DMWD: variants seen among roughly 807,000 people sequenced by gnomAD.
DMWD encodes DM1 locus, WD repeat containing.
Under a neutral mutation model 45.8 loss-of-function variants are expected in DMWD, and 19 were observed. The observed-to-expected ratio is 0.41, with a 90% CI of 0.29 to 0.61. The LOEUF (loss-of-function observed/expected upper bound fraction) is 0.61. DMWD is among the 20% of genes least tolerant of loss of function. DMWD has a pLI of 0.25. For missense variants in DMWD, 802 were observed against 965.2 expected (o/e 0.83, Z 2.24); for synonymous variants, 515 against 440.5 (o/e 1.17, Z -2.12).
Position 45,791,068 on chromosome 19 carries a change from G to C in DMWD, c.461C>G (p.Pro154Arg). 1.2e-6 allele frequency: 2 copies of C among 1,611,742 alleles called. No homozygotes were observed. Among genetic ancestry groups the C allele is most frequent in the Non-Finnish European group, 1.7e-6 (2 of 1,178,608 alleles). The change falls in exon 2 of 5, where the codon CCA (proline) becomes CGA (arginine). Residue 154 changes from proline to arginine, a missense_variant. Physicochemically the swap from Pro to Arg is moderately radical, Grantham distance 103. This residue lies in a region of DMWD where 82 missense variants were observed against 92.9 expected (regional missense o/e 0.88). Coordinates refer to ENST00000270223, the MANE Select transcript of DMWD (RefSeq NM_004943.2). ...GSQRSIDLNK[P>R]IDKRIYKGTQ... ...GCCCTTGTAGATCCGCTTGTCAATT[G>C]GCTTGTTGAGGTCAATGGACTTGAG...
intron 1 of DMWD, among the ~76,000 whole-genome samples, chr19:45,791,299 C>T (rs1970354565): frequency 6.6e-6 from 1 of 151,914 alleles, no homozygotes; most frequent in Non-Finnish European, 1.5e-5. Context: ...GGTAAGGATC[C>T]CCCTTGACCA....
Position 45,785,783 on chromosome 19 carries a change from G to A in DMWD, c.1713C>T (p.Ser571=). ...GEKPSGPVPR[S]RLDPAKVLGT... is the part of the protein sequence containing the mutation. Reference sequence around the variant, plus strand: ...CCAGCACCTTGGCGGGGTCCAGGCGGCTGCGGGGAACAGGGCCGCTGGGCT... The same window carrying A: ...CCAGCACCTTGGCGGGGTCCAGGCGACTGCGGGGAACAGGGCCGCTGGGCT... The change falls in exon 3 of 5, where the codon AGC becomes AGT. Residue 571 remains serine, a synonymous_variant. Coordinates refer to ENST00000270223, the MANE Select transcript of DMWD (RefSeq NM_004943.2). 1.2e-6 allele frequency: 2 copies of A among 1,611,678 alleles called. No individual in the cohort carries two copies. The highest frequency in any genetic ancestry group is 1.7e-6 in the Non-Finnish European group (2 of 1,179,288).
At chr19:45,790,878 G>A (rs72626215) in intron 2 of DMWD, 27 bp downstream of exon 2, 405,549 of 1,582,268 alleles carry the variant, frequency 0.26, 54,294 homozygotes, top group Non-Finnish European at 0.27. Context: ...AGGCAGAGAA[G>A]TTGGGGGCTC....
intron 3 of DMWD, among the ~76,000 whole-genome samples, chr19:45,785,094 G>A (rs1418122352): frequency 6.6e-6 from 1 of 152,200 alleles, no homozygotes; most frequent in African/African-American, 2.4e-5. Context: ...GGTCACAGAG[G>A]GAGTGGGACT....
At position 45,785,283 on chromosome 19, in the gene DMWD, C is replaced by T. The variant is rs1258445844; in HGVS notation, c.1902+311G>A. On this transcript the variant is annotated intron_variant, in intron 3 of 4. Transcript: ENST00000270223. Reference sequence around the variant, plus strand: ...TGTTCAACAGAAATAGATTCTGGTTCGAGTGACAGGCAGTAAGACCTGGCC... The same window carrying T: ...TGTTCAACAGAAATAGATTCTGGTTTGAGTGACAGGCAGTAAGACCTGGCC... 9.5e-6 allele frequency: 11 copies of T among 1,155,468 alleles called. No individual in the cohort carries two copies. The East Asian group carries it at 1.7e-4, about 17-fold the overall frequency. The allele number at this position is 1,155,468 out of a possible 1,614,324, so 71.6% of individuals were successfully genotyped here. A position where few individuals can be genotyped will look rare whatever the true frequency, so the allele number is the denominator to read the frequency against.
intron 2 of DMWD, chr19:45,789,817 A>T (rs1350069167): frequency 6.6e-6 from 1 of 152,242 alleles, no homozygotes; most frequent in African/African-American, 2.4e-5. Flanking sequence ...GGTGTTTGAG[A>T]CCAGCCTGGC....
Position 45,786,110 on chromosome 19 carries a change from G to A in DMWD, c.1386C>T (p.Leu462=). The A allele has an allele frequency of 1.3e-6, 2 of 1,530,980 alleles. No individual in the cohort carries two copies. The highest frequency in any genetic ancestry group is 1.2e-5 in the South Asian group (1 of 80,252). The allele number at this position is 1,530,980 out of a possible 1,614,324, so 94.8% of individuals were successfully genotyped here. A position where few individuals can be genotyped will look rare whatever the true frequency, so the allele number is the denominator to read the frequency against. Residue 462 remains leucine (L), a synonymous_variant, in exon 3 of 5, where the codon CTC becomes CTT. Coordinates refer to ENST00000270223, the MANE Select transcript of DMWD (RefSeq NM_004943.2). The part of the protein sequence containing the change: ...PHPPLARTRT[L]PGTPGTTPPA... ...GTGGCGTGGTGCCAGGTGTGCCAGG[G>A]AGGGTGCGGGTGCGGGCCAGGGGGG...
rs990772699 is a variant in DMWD, at chr19:45,786,038, C to A, written c.1458G>T (p.Leu486=). Reference sequence around the variant, plus strand: ...TGTTGGAGCGGGACAGCGAGCGAGGCAGGGGGCCTGGGCCAGGCTCGCCAC... The same window carrying A: ...TGTTGGAGCGGGACAGCGAGCGAGGAAGGGGGCCTGGGCCAGGCTCGCCAC... ...SRGGEPGPGP[L]PRSLSRSNSL... is the part of the protein sequence containing the mutation. The change falls in exon 3 of 5, where the codon CTG becomes CTT. Residue 486 remains leucine (L), a synonymous_variant. Transcript: ENST00000270223. 6.5e-7 allele frequency: 1 copy of A among 1,537,626 alleles called. No homozygotes were observed. The highest frequency in any genetic ancestry group is 1.2e-5 in the South Asian group (1 of 80,330).
At chr19:45,784,573 A>G (rs1461909522) in intron 4 of DMWD, 68 bp downstream of exon 4, 1 of 1,612,590 alleles carries the variant, frequency 6.2e-7, no homozygotes, top group Admixed American at 1.7e-5. Flanking sequence ...GGAGGGGGAA[A>G]CTGGAGCTCC....
rs1179890467 is a variant in DMWD, at chr19:45,792,805, G to T, written c.-49C>A. 14 of 1,087,118 alleles carry T rather than the reference G, an allele frequency of 1.3e-5. No individual in the cohort carries two copies. Among genetic ancestry groups the T allele is most frequent in the Non-Finnish European group, 1.6e-5 (14 of 896,400 alleles). The allele number at this position is 1,087,118 out of a possible 1,614,324, so 67.3% of individuals were successfully genotyped here. On this transcript the variant is annotated 5_prime_UTR_variant, in exon 1 of 5. Transcript: ENST00000270223. ...CACTGCCGGACTGCCGCCCGCAGCC[G>T]GGCCCCCTCCCGGAAGCCGCTGGCC...
In DMWD at chr19:45,786,110, G is replaced by T. The variant is rs890759953; in HGVS notation, c.1386C>A (p.Leu462=). The change falls in exon 3 of 5, where the codon CTC becomes CTA. Residue 462 remains leucine (L), a synonymous_variant. Coordinates refer to ENST00000270223, the MANE Select transcript of DMWD (RefSeq NM_004943.2). Reference sequence around the variant, plus strand: ...GTGGCGTGGTGCCAGGTGTGCCAGGGAGGGTGCGGGTGCGGGCCAGGGGGG... The same window carrying T: ...GTGGCGTGGTGCCAGGTGTGCCAGGTAGGGTGCGGGTGCGGGCCAGGGGGG... ...PHPPLARTRT[L]PGTPGTTPPA... is the part of the protein sequence containing the mutation. The T allele has an allele frequency of 1.3e-6, 2 of 1,530,980 alleles. No individual in the cohort carries two copies. Among genetic ancestry groups the T allele is most frequent in the Non-Finnish European group, 8.8e-7 (1 of 1,136,842 alleles). The allele number at this position is 1,530,980 out of a possible 1,614,324, so 94.8% of individuals were successfully genotyped here.
chr19:45,792,753 C>A lies in DMWD; in HGVS notation c.4G>T (p.Ala2Ser), dbSNP rs987778003. 22 of 1,131,920 alleles carry A rather than the reference C, an allele frequency of 1.9e-5. No individual in the cohort carries two copies. The highest frequency in any genetic ancestry group is 2.2e-5 in the Non-Finnish European group (20 of 923,530). The allele number at this position is 1,131,920 out of a possible 1,614,324, so 70.1% of individuals were successfully genotyped here. The change falls in exon 1 of 5, where the codon GCG (alanine) becomes TCG (serine). Residue 2 changes from alanine (A) to serine (S), a missense_variant. Around this residue, in one of 9 missense-constraint regions of DMWD, gnomAD observed 151 missense variants for 128.1 expected, o/e 1.18. Coordinates refer to ENST00000270223, the MANE Select transcript of DMWD (RefSeq NM_004943.2). M[A>S]AGGAEGGSGP... ...GAGCCGCCCTCCGCGCCGCCCGCCG[C>A]CATCTTGGGCGCCCCCCGGGCCCCG...
Position 45,792,528 on chromosome 19 carries a change from C to T in DMWD, c.229G>A (p.Ala77Thr), listed in dbSNP as rs1413866485. 8.8e-6 allele frequency: 10 copies of T among 1,138,840 alleles called. No homozygotes were observed. Among genetic ancestry groups the T allele is most frequent in the South Asian group, 4.1e-5 (1 of 24,590 alleles). 70.5% of individuals were successfully genotyped at this position (1,138,840 alleles called of 1,614,324 possible). Residue 77 changes from alanine (A) to threonine (T), a missense_variant, in exon 1 of 5, where the codon GCG becomes ACG. Ala to Thr is a moderately conservative substitution (Grantham distance 58). This residue lies in a region of DMWD where 151 missense variants were observed against 128.1 expected (regional missense o/e 1.18). Transcript: ENST00000270223. ...GGGCCTGCGGGCGGCGGGGACGACG[C>T]GGGGCCTGCAGCGCCGGGACCGGAG... ...SASGPGAAGP[A>T]SSPPPAGPGP... is the part of the protein sequence containing the mutation.
In DMWD at chr19:45,784,294, G is replaced by A; in HGVS notation, c.1978-4C>T. Reference sequence around the variant, plus strand: ...TGCCTGGTTGGGAGGAGATGCCCTGGGGAAGATGAGAGGGAGAGATGGGAG... The same window carrying A: ...TGCCTGGTTGGGAGGAGATGCCCTGAGGAAGATGAGAGGGAGAGATGGGAG... On this transcript the variant is annotated splice_region_variant and splice_polypyrimidine_tract_variant and intron_variant, in intron 4 of 4. Coordinates refer to ENST00000270223, the MANE Select transcript of DMWD (RefSeq NM_004943.2). The A allele has an allele frequency of 6.6e-7, 1 of 1,510,412 alleles. No homozygotes were observed. The highest frequency in any genetic ancestry group is 2.0e-4 in the Middle Eastern group (1 of 5,068). The allele number at this position is 1,510,412 out of a possible 1,614,324, so 93.6% of individuals were successfully genotyped here.
Position 45,784,698 on chromosome 19 carries a change from G to C in DMWD, c.1920C>G (p.Thr640=). ...AACTTCCTTCCCCTGTCTGGGCCTC[G>C]GTCTCCTCGTCTGTGAACTACGGAG... ...RPGKAFTDEE[T]EAQTGEGSWP... The change falls in exon 4 of 5, where the codon ACC becomes ACG. Residue 640 remains threonine, a synonymous_variant. Transcript: ENST00000270223. The C allele has an allele frequency of 6.2e-7, 1 of 1,613,274 alleles. No individual in the cohort carries two copies.
rs1486694804 is a variant in DMWD at position 45,783,394 on chromosome 19, G to A, written c.*849C>T. 3.0e-5 allele frequency: 12 copies of A among 394,086 alleles called. No individual in the cohort carries two copies. The highest frequency in any genetic ancestry group is 1.4e-4 in the East Asian group (4 of 27,834). The allele number at this position is 394,086 out of a possible 1,614,324, so 24.4% of individuals were successfully genotyped here. A position where few individuals can be genotyped will look rare whatever the true frequency, so the allele number is the denominator to read the frequency against. Reference sequence around the variant, plus strand: ...CCTGAGAAACTAGGAGGCAAGGACCGAGGAGTCCCAGCTGGGCAGGGCCTG... The same window carrying A: ...CCTGAGAAACTAGGAGGCAAGGACCAAGGAGTCCCAGCTGGGCAGGGCCTG... On this transcript the variant is annotated 3_prime_UTR_variant, in exon 5 of 5. Transcript: ENST00000270223.
chr19:45,792,551 G>C lies in DMWD; in HGVS notation c.206C>G (p.Ser69Cys). The change falls in exon 1 of 5, where the codon TCC (serine) becomes TGC (cysteine). Residue 69 changes from serine to cysteine, a missense_variant. Physicochemically the swap from Ser to Cys is moderately radical, Grantham distance 112. Coordinates refer to ENST00000270223, the MANE Select transcript of DMWD (RefSeq NM_004943.2). ...PQPPPGPASASGPGAAGPASS... is the reference protein window; with the variant it reads ...PQPPPGPASACGPGAAGPASS... ...CGCGGGGCCTGCAGCGCCGGGACCG[G>C]AGGCGGAGGCAGGGCCGGGCGGGGG... 8.4e-7 allele frequency: 1 copy of C among 1,185,754 alleles called. No individual in the cohort carries two copies. The highest frequency in any genetic ancestry group is 1.0e-6 in the Non-Finnish European group (1 of 953,064). 73.5% of individuals were successfully genotyped at this position (1,185,754 alleles called of 1,614,324 possible).
At chr19:45,788,012 G>C (rs1970304708) in intron 2 of DMWD, among the ~76,000 whole-genome samples, 1 of 152,150 alleles carries the variant, frequency 6.6e-6, no homozygotes, top group Non-Finnish European at 1.5e-5. Flanking sequence ...GGGAGGCGGA[G>C]GTTGCAGTGA....
intron 1 of DMWD, 86 bp downstream of exon 1, chr19:45,792,230 C>G: frequency 6.7e-7 from 1 of 1,491,896 alleles, no homozygotes; most frequent in Admixed American, 2.2e-5. Context: ...ATCTCAGGGC[C>G]CCATATCAAT....
Sources: allele counts gnomAD v4.1 joint callset (sites outside exome capture counted in the v4.1 genomes callset), GRCh38; gene constraint gnomAD v4.1.1; regional missense constraint gnomAD v4.1.1; transcripts MANE v1.5; gene names NCBI Gene and HGNC (gene_info 2026-07-23, HGNC 2026-07-21).